Variants in MPHOSPH9 observed in about 807,000 individuals in gnomAD.
MPHOSPH9 encodes M-phase phosphoprotein 9.
MPHOSPH9 carries 88 observed loss-of-function variants against 145.5 expected under a neutral mutation model. The ratio of observed to expected loss-of-function variants is 0.60; its 90% CI spans 0.51 to 0.72. The LOEUF (loss-of-function observed/expected upper bound fraction) is 0.72, where lower values mean the gene tolerates loss of function less well. Among genes scored for constraint, MPHOSPH9 ranks in the 30% least tolerant of loss-of-function variants. The pLI, the probability that MPHOSPH9 is intolerant of heterozygous loss-of-function variation, is 0.00. For synonymous variants in MPHOSPH9, 435 were observed against 486.2 expected (o/e 0.89, Z 1.39); for missense variants, 1,238 against 1,386.6 (o/e 0.89, Z 1.70).
At chr12:123,164,135 A>G in intron 18 of MPHOSPH9, 45 bp from the exon 19 acceptor site, 1 of 1,611,008 alleles carries the variant, frequency 6.2e-7, no homozygotes, top group Non-Finnish European at 8.5e-7. Context: ...AAATCAAAAC[A>G]AGCCTACGCT....
At chr12:123,221,268 A>T (rs2047190115) in intron 5 of MPHOSPH9, 104 bp downstream of exon 5, 1 of 934,726 alleles carries the variant, frequency 1.1e-6, no homozygotes, top group African/African-American at 1.7e-5. Flanking sequence ...CAGGCAATGA[A>T]CTGATAAATG....
intron 17 of MPHOSPH9, chr12:123,165,695 C>T (rs959236487): frequency 1.7e-5 from 8 of 464,416 alleles, no homozygotes; most frequent in Admixed American, 3.5e-5. Context: ...GAGGCAGGAG[C>T]GCTCTCTCTG....
At chr12:123,202,049 TG>T in intron 11 of MPHOSPH9, 114 bp downstream of exon 11, 1 of 1,130,502 alleles carries the variant, frequency 8.8e-7, no homozygotes, top group Non-Finnish European at 1.2e-6. Context: ...TAGGCAAACA[TG>T]ACTGTTAAAA....
chr12:123,201,659 G>A (rs1273588970), intron 11 of MPHOSPH9, among the ~76,000 whole-genome samples: 2 of 152,102 alleles, frequency 1.3e-5, no homozygotes, highest in African/African-American at 4.8e-5. Flanking sequence ...GGTTACAGAC[G>A]TGAGCCACCA....
chr12:123,222,942 ATG>A (rs1309272227), intron 4 of MPHOSPH9, 94 bp downstream of exon 4: 43 of 717,822 alleles, frequency 6.0e-5, no homozygotes, highest in South Asian at 6.9e-5. Flanking sequence ...ATTTCTATAT[ATG>A]TGTGTGTGTA....
At chr12:123,211,680 ATTTCT>A (rs1481602218) in intron 7 of MPHOSPH9, among the ~76,000 whole-genome samples, 2 of 136,066 alleles carry the variant, frequency 1.5e-5, no homozygotes, top group Non-Finnish European at 3.1e-5. Flanking sequence ...AAAATAGACA[ATTTCT>A]TTTTTTTTTT....
At chr12:123,164,214 G>T in intron 18 of MPHOSPH9, 124 bp from the exon 19 acceptor site, 2 of 1,059,494 alleles carry the variant, frequency 1.9e-6, no homozygotes, top group Non-Finnish European at 1.4e-6. Flanking sequence ...CTTAGGTTCT[G>T]CTCAAAGCAT....
Position 123,227,571 on chromosome 12 carries a change from C to A in MPHOSPH9, c.150G>T (p.Gly50=). 1.3e-6 allele frequency: 2 copies of A among 1,532,240 alleles called. No homozygotes were observed. Among genetic ancestry groups the A allele is most frequent in the Non-Finnish European group, 8.7e-7 (1 of 1,144,628 alleles). 94.9% of individuals were successfully genotyped at this position (1,532,240 alleles called of 1,614,324 possible). Residue 50 remains glycine (G), a synonymous_variant, in exon 3 of 24, where the codon GGG becomes GGT. Coordinates refer to ENST00000606320, the MANE Select transcript of MPHOSPH9 (RefSeq NM_022782.4). Reference sequence around the variant, plus strand: ...CTTGAATTACAGATGGTCTGGTCTTCCCTGAGAAAGAGGATACCCCATTTG... The same window carrying A: ...CTTGAATTACAGATGGTCTGGTCTTACCTGAGAAAGAGGATACCCCATTTG... ...LSTNGVSSFS[G]KTRPSVIQGT... is the part of the protein sequence containing the mutation.
chr12:123,202,675 A>G lies in MPHOSPH9; in HGVS notation c.1730T>C (p.Val577Ala). The change falls in exon 10 of 24, where the codon GTC becomes GCC. Residue 577 changes from valine to alanine, a missense_variant. By Grantham distance (64) the Val-to-Ala change is moderately conservative (BLOSUM62 0). Around this residue, in one of 3 missense-constraint regions of MPHOSPH9, gnomAD observed 837 missense variants for 897.5 expected, o/e 0.93. Coordinates refer to ENST00000606320, the MANE Select transcript of MPHOSPH9 (RefSeq NM_022782.4). ...GGAAGTCAATGAAATGCATTCTGGGACACTGTTGGCTGTACCTGGAAGCTG... is the reference window on the plus strand; with the variant it reads ...GGAAGTCAATGAAATGCATTCTGGGGCACTGTTGGCTGTACCTGGAAGCTG... ...QSQLPGTANS[V>A]PECISLTSLE... 1 of 1,614,160 alleles carries G rather than the reference A, an allele frequency of 6.2e-7. No homozygotes were observed. Among genetic ancestry groups the G allele is most frequent in the Non-Finnish European group, 8.5e-7 (1 of 1,180,028 alleles).
rs55827423 is a variant in MPHOSPH9, at chr12:123,174,375, A to AT, written c.2456+2312dup. On this transcript the variant is annotated intron_variant, in intron 16 of 23. Transcript: ENST00000606320. ...CACCATCTAGAAAGAGACGACTCCA[A>AT]TTTTTTTTTTTTTTTGAGACGGAGT... Among the ~76,000 whole-genome samples, 335 of 142,766 alleles carry AT rather than the reference A, an allele frequency of 2.3e-3. 6 individuals carry two copies. Among genetic ancestry groups the AT allele is most frequent in the Middle Eastern group, 3.6e-3 (1 of 276 alleles). 93.7% of individuals were successfully genotyped at this position (142,766 alleles called of 152,430 possible). A position where few individuals can be genotyped will look rare whatever the true frequency, so the allele number is the denominator to read the frequency against.
intron 23 of MPHOSPH9, chr12:123,160,072 T>A (rs568994749): frequency 6.6e-6 from 1 of 152,288 alleles, no homozygotes; most frequent in Non-Finnish European, 1.5e-5. Context: ...GGTTTCACCA[T>A]GTGGGCCAGG....
chr12:123,190,051 G>A (rs1404935909), intron 13 of MPHOSPH9, among the ~76,000 whole-genome samples: 1 of 151,904 alleles, frequency 6.6e-6, no homozygotes, highest in Non-Finnish European at 1.5e-5. Flanking sequence ...CAAAGACAAG[G>A]TAATGATATT....
At chr12:123,168,413 C>T (rs2044414829) in intron 16 of MPHOSPH9, among the ~76,000 whole-genome samples, 1 of 150,328 alleles carries the variant, frequency 6.7e-6, no homozygotes, top group Admixed American at 6.7e-5. Flanking sequence ...GTGATCTCGG[C>T]TCACTGCAAG....
At chr12:123,203,163 A>T in intron 9 of MPHOSPH9, 79 bp from the exon 10 acceptor site, 2 of 1,589,626 alleles carry the variant, frequency 1.3e-6, no homozygotes, top group Non-Finnish European at 1.7e-6. Context: ...TAGGCTTTAG[A>T]TCTCCTAGGG....
intron 13 of MPHOSPH9, among the ~76,000 whole-genome samples, chr12:123,182,951 C>A (rs142815253): frequency 1.5e-5 from 2 of 137,366 alleles, no homozygotes; most frequent in Non-Finnish European, 3.2e-5. Flanking sequence ...TGGTAGCTGA[C>A]GCCTGTAATC....
intron 9 of MPHOSPH9, 22 bp from the exon 10 acceptor site, chr12:123,203,106 A>C (rs1305727083): frequency 1.9e-6 from 3 of 1,601,272 alleles, no homozygotes; most frequent in Non-Finnish European, 2.6e-6. Flanking sequence ...ACAACAACGA[A>C]GTCTTACCCT....
intron 13 of MPHOSPH9, among the ~76,000 whole-genome samples, chr12:123,188,593 A>G (rs2045550434): frequency 6.6e-6 from 1 of 152,182 alleles, no homozygotes; most frequent in African/African-American, 2.4e-5. Context: ...CACGCCTGTA[A>G]TCCCAGCACT....
Position 123,223,094 on chromosome 12 carries a change from T to TTTC in MPHOSPH9, c.289_291dup (p.Glu97dup), listed in dbSNP as rs2047281995. 6.7e-7 allele frequency: 1 copy of TTTC among 1,483,150 alleles called. No homozygotes were observed. The highest frequency in any genetic ancestry group is 8.9e-7 in the Non-Finnish European group (1 of 1,125,874). The allele number at this position is 1,483,150 out of a possible 1,614,324, so 91.9% of individuals were successfully genotyped here. ...GCAACTATCTGTTCTTGGCATTGTT[T>TTTC]TTCCACCAAATTGAATAGCTGTAAC... On this transcript the variant is annotated inframe_insertion, in exon 4 of 24. Coordinates refer to ENST00000606320, the MANE Select transcript of MPHOSPH9 (RefSeq NM_022782.4).
intron 19 of MPHOSPH9, 70 bp from the exon 20 acceptor site, chr12:123,163,204 GTATT>G: frequency 1.4e-6 from 2 of 1,418,430 alleles, no homozygotes; most frequent in Non-Finnish European, 9.5e-7. Flanking sequence ...TTCTTATTCA[GTATT>G]TTTTTTCTAA....
Sources: allele counts gnomAD v4.1 joint callset (sites outside exome capture counted in the v4.1 genomes callset), GRCh38; gene constraint gnomAD v4.1.1; regional missense constraint gnomAD v4.1.1; transcripts MANE v1.5; gene names NCBI Gene and HGNC (gene_info 2026-07-23, HGNC 2026-07-21).